The following GALNTL6 variants were observed in gnomAD, a reference collection of about 807,000 sequenced individuals.
GALNTL6 encodes the protein polypeptide N-acetylgalactosaminyltransferase like 6.
GALNTL6 carries 46 observed loss-of-function variants against 73.7 expected under a neutral mutation model. That is an observed-to-expected ratio of 0.62 (90% CI 0.49 to 0.80). The LOEUF (loss-of-function observed/expected upper bound fraction) is 0.80. Ranked by LOEUF, GALNTL6 falls within the 30% of genes least tolerant of loss-of-function variation. The pLI is 0.00. For synonymous variants in GALNTL6, 259 were observed against 263.7 expected, an observed-to-expected ratio of 0.98 and a Z score of 0.17; for missense variants, 604 against 755.0, an observed-to-expected ratio of 0.80 and a Z score of 2.34.
intron 5 of GALNTL6, among the ~76,000 whole-genome samples, chr4:172,355,723 C>T (rs1742125198): frequency 2.0e-5 from 3 of 152,126 alleles, no homozygotes; most frequent in Admixed American, 6.6e-5. Flanking sequence ...GTAGCTTTTA[C>T]ATTTTTTAAG....
intron 5 of GALNTL6, among the ~76,000 whole-genome samples, chr4:172,717,155 C>T (rs1457000083): frequency 6.6e-6 from 1 of 152,096 alleles, no homozygotes; most frequent in Non-Finnish European, 1.5e-5. Flanking sequence ...TTTTCAGTAG[C>T]CAAAATAAAG....
Position 171,879,452 on chromosome 4 carries a change from G to A in GALNTL6, c.138+64734G>A, listed in dbSNP as rs190354419. On this transcript the variant is annotated intron_variant, in intron 2 of 12. Coordinates refer to ENST00000506823, the MANE Select transcript of GALNTL6 (RefSeq NM_001034845.3). ...GCTCTAAAACCTAAAGTAGAAGACG[G>A]CATTAAAAAGTCAAATTAGTGTTAC... Among the ~76,000 whole-genome samples, 578 of 152,112 alleles carry A rather than the reference G, an allele frequency of 3.8e-3. 15 individuals carry two copies. Among genetic ancestry groups the A allele is most frequent in the Non-Finnish European group, 1.3e-3 (87 of 67,974 alleles).
chr4:173,001,645 A>G (rs983527071), intron 10 of GALNTL6, among the ~76,000 whole-genome samples: 6 of 152,248 alleles, frequency 3.9e-5, no homozygotes, highest in Admixed American at 2.6e-4. Context: ...TCTAGAATAT[A>G]TATTTTCAAA....
In GALNTL6 at chr4:171,842,998, T is replaced by C. The variant is rs1043102205; in HGVS notation, c.138+28280T>C. On this transcript the variant is annotated intron_variant, in intron 2 of 12. Coordinates refer to ENST00000506823, the MANE Select transcript of GALNTL6 (RefSeq NM_001034845.3). ...TTCCAATTTTACAAGACTGTCATCA[T>C]TGATTGGTAACAACATCCTAGTTAG... is the stretch of plus-strand genomic sequence containing the variant. 2.0e-5 allele frequency among the ~76,000 whole-genome samples: 3 copies of C among 152,292 alleles called. No homozygotes were observed. In the South Asian group the frequency reaches 6.2e-4, roughly 32 times the overall value.
chr4:172,295,531 G>GTTTTTTTTTTTTTTTTTTTT (rs58721038), intron 3 of GALNTL6, among the ~76,000 whole-genome samples: 1 of 73,160 alleles, frequency 1.4e-5, no homozygotes, highest in Non-Finnish European at 2.4e-5. Flanking sequence ...CTTTTTTTAG[G>GTTTTTTTTTTTTTTTTTTTT]TTTTTTTTTT....
At chr4:172,037,831 C>A (rs28551553) in intron 2 of GALNTL6, among the ~76,000 whole-genome samples, 5,974 of 152,140 alleles carry the variant, frequency 0.039, 369 homozygotes, top group African/African-American at 0.13. Flanking sequence ...AAAAAAAATT[C>A]TAGAGACCGG....
In GALNTL6 at chr4:172,754,983, C is replaced by G. The variant is rs141724642; in HGVS notation, c.554-54378C>G. Among the ~76,000 whole-genome samples the G allele has an allele frequency of 3.3e-3, 502 of 152,172 alleles. 4 individuals are homozygous for G. Among genetic ancestry groups the G allele is most frequent in the African/African-American group, 0.012 (478 of 41,532 alleles). On this transcript the variant is annotated intron_variant, in intron 5 of 12. Coordinates refer to ENST00000506823, the MANE Select transcript of GALNTL6 (RefSeq NM_001034845.3). ...CTTGTGTCATCGCAGGACATAAAAA[C>G]TACCAATTGCCCACCCAGATTTTAT... is the stretch of plus-strand genomic sequence containing the variant.
intron 2 of GALNTL6, among the ~76,000 whole-genome samples, chr4:171,990,579 A>C (rs60369953): frequency 0.084 from 12,770 of 152,212 alleles, 1,184 homozygotes; most frequent in African/African-American, 0.23. Flanking sequence ...TCATCCTTGC[A>C]TTCCCTATCA....
chr4:172,405,981 A>G (rs1744226200), intron 5 of GALNTL6, among the ~76,000 whole-genome samples: 1 of 152,018 alleles, frequency 6.6e-6, no homozygotes, highest in African/African-American at 2.4e-5. Flanking sequence ...ATTTTTAAGT[A>G]ATGTTATTGA....
At chr4:172,053,733 G>C (rs1198196917) in intron 2 of GALNTL6, among the ~76,000 whole-genome samples, 1 of 152,132 alleles carries the variant, frequency 6.6e-6, no homozygotes, top group East Asian at 1.9e-4. Context: ...TATGTGTATG[G>C]TGTGTATGTA....
At chr4:172,799,677 T>C (rs1207105343) in intron 5 of GALNTL6, among the ~76,000 whole-genome samples, 1 of 152,168 alleles carries the variant, frequency 6.6e-6, no homozygotes, top group African/African-American at 2.4e-5. Flanking sequence ...GAATGTAAAA[T>C]GGTGCAGTCA....
intron 2 of GALNTL6, among the ~76,000 whole-genome samples, chr4:172,149,828 T>G (rs897245123): frequency 4.6e-5 from 7 of 152,202 alleles, no homozygotes; most frequent in Non-Finnish European, 7.3e-5. Flanking sequence ...ACCCTTCTCA[T>G]GGACCACAAA....
intron 5 of GALNTL6, among the ~76,000 whole-genome samples, chr4:172,476,853 T>C (rs190502073): frequency 6.4e-4 from 97 of 152,246 alleles, no homozygotes; most frequent in Non-Finnish European, 1.1e-3. Context: ...TTAGAGAAAG[T>C]ATATTTTCCA....
chr4:172,221,367 A>G (rs1470057196), intron 2 of GALNTL6, among the ~76,000 whole-genome samples: 1 of 151,738 alleles, frequency 6.6e-6, no homozygotes, highest in African/African-American at 2.4e-5. Flanking sequence ...TATCCTTCTG[A>G]AGAAAAATTC....
chr4:172,851,821 G>A lies in GALNTL6; in HGVS notation c.924-30969G>A, dbSNP rs118091936. ...TGTCAGGGGTAGGGAGAGAGTGCTGGGTCACAGCAACATGAGTTCTAAGTA... is the reference window on the plus strand; with the variant it reads ...TGTCAGGGGTAGGGAGAGAGTGCTGAGTCACAGCAACATGAGTTCTAAGTA... On this transcript the variant is annotated intron_variant, in intron 7 of 12. Transcript: ENST00000506823. Among the ~76,000 whole-genome samples the A allele has an allele frequency of 7.9e-3, 1,206 of 152,122 alleles. 34 individuals are homozygous for A. The East Asian group carries it at 0.1, about 13-fold the overall frequency.
chr4:172,233,305 G>A (rs1827557), intron 3 of GALNTL6, among the ~76,000 whole-genome samples: 57,929 of 151,406 alleles, frequency 0.38, 11,228 homozygotes, highest in Non-Finnish European at 0.41. Flanking sequence ...CCTGGAATTC[G>A]AGGCTGCAGT....
chr4:171,903,665 C>A (rs986610365), intron 2 of GALNTL6, among the ~76,000 whole-genome samples: 1 of 148,714 alleles, frequency 6.7e-6, no homozygotes, highest in South Asian at 2.1e-4. Flanking sequence ...GCCTGCCTGC[C>A]TCTGGAGGCT....
intron 12 of GALNTL6, among the ~76,000 whole-genome samples, chr4:173,022,151 A>AAG (rs1753038541): frequency 2.3e-5 from 3 of 130,470 alleles, no homozygotes; most frequent in African/African-American, 9.0e-5. Flanking sequence ...AAAGAGAGAG[A>AAG]GAAGGCAGGA....
chr4:172,865,849 C>T (rs1447169200), intron 7 of GALNTL6, among the ~76,000 whole-genome samples: 1 of 152,102 alleles, frequency 6.6e-6, no homozygotes, highest in Admixed American at 6.6e-5. Flanking sequence ...ATGCTGATGG[C>T]TTTTATGTCA....
Sources: gnomAD v4.1 joint callset for allele counts (sites outside exome capture counted in the v4.1 genomes callset) on GRCh38, gnomAD v4.1.1 for gene constraint, MANE v1.5 for transcripts, NCBI Gene and HGNC (gene_info 2026-07-23, HGNC 2026-07-21) for gene names.